The following CCDC81 variants were observed in gnomAD, a reference collection of about 807,000 sequenced individuals.
The protein encoded by CCDC81 is coiled-coil domain-containing protein 81.
A neutral mutation model predicts 83.7 loss-of-function variants in CCDC81; 79 were observed. The ratio of observed to expected loss-of-function variants is 0.94; its 90% CI spans 0.79 to 1.14. CCDC81 has a LOEUF of 1.14. Ranked by LOEUF, CCDC81 falls within the 50% of genes most tolerant of loss-of-function variation. CCDC81 has a pLI of 0.00. For missense variants in CCDC81, 791 were observed against 778.1 expected, an observed-to-expected ratio of 1.02 and a Z score of -0.20; for synonymous variants, 252 against 278.1, an observed-to-expected ratio of 0.91 and a Z score of 0.93.
At chr11:86,394,011 G>A (rs1948369868) in intron 4 of CCDC81, among the ~76,000 whole-genome samples, 1 of 152,104 alleles carries the variant, frequency 6.6e-6, no homozygotes, top group South Asian at 2.1e-4. Context: ...GAAACTCCTG[G>A]TGTTTTCTAC....
At chr11:86,375,266 G>C (rs777018459) in intron 1 of CCDC81, 24 bp downstream of exon 1, 10 of 1,593,092 alleles carry the variant, frequency 6.3e-6, no homozygotes, top group Middle Eastern at 1.7e-4. Context: ...GTAGCAGGGG[G>C]TGGCCCTGGG....
At chr11:86,412,625 T>A in intron 11 of CCDC81, 66 bp downstream of exon 11, 1 of 1,370,894 alleles carries the variant, frequency 7.3e-7, no homozygotes, top group Non-Finnish European at 9.9e-7. Flanking sequence ...ACTTTTCATG[T>A]AGGATTGAAT....
At chr11:86,385,985 C>A in intron 1 of CCDC81, 66 bp from the exon 2 acceptor site, 1 of 749,378 alleles carries the variant, frequency 1.3e-6, no homozygotes, top group Non-Finnish European at 2.3e-6. Context: ...TATTTATTAG[C>A]ACTAAGATAC....
chr11:86,382,955 G>T (rs1948194075), intron 1 of CCDC81, among the ~76,000 whole-genome samples: 1 of 152,092 alleles, frequency 6.6e-6, no homozygotes, highest in Non-Finnish European at 1.5e-5. Flanking sequence ...TTCAGCAAGA[G>T]CTGAAGTGAA....
chr11:86,413,290 G>T (rs572309551), intron 11 of CCDC81, among the ~76,000 whole-genome samples: 13 of 152,316 alleles, frequency 8.5e-5, no homozygotes, highest in African/African-American at 1.2e-4. Context: ...GTGCCTGCCT[G>T]CTAGGGTCTT....
intron 1 of CCDC81, among the ~76,000 whole-genome samples, chr11:86,383,839 A>G (rs1192293022): frequency 6.6e-6 from 1 of 152,264 alleles, no homozygotes; most frequent in Non-Finnish European, 1.5e-5. Context: ...AATGATATGC[A>G]TAGTTTTCTT....
At chr11:86,406,297 T>C (rs1286283924) in intron 7 of CCDC81, among the ~76,000 whole-genome samples, 1 of 152,188 alleles carries the variant, frequency 6.6e-6, no homozygotes, top group Non-Finnish European at 1.5e-5. Context: ...TCCGAATCAA[T>C]CTGGTTGTCA....
intron 14 of CCDC81, among the ~76,000 whole-genome samples, chr11:86,421,561 C>T (rs987909739): frequency 2.0e-5 from 3 of 152,202 alleles, no homozygotes; most frequent in Admixed American, 6.5e-5. Context: ...CCGCCCGCCT[C>T]GGCCTCCCAA....
chr11:86,414,911 T>C (rs1002757160), intron 12 of CCDC81, 44 bp downstream of exon 12: 1 of 1,489,028 alleles, frequency 6.7e-7, no homozygotes, highest in African/African-American at 1.4e-5. Flanking sequence ...ATGCAATGCA[T>C]CAATAACATC....
intron 1 of CCDC81, among the ~76,000 whole-genome samples, chr11:86,381,957 CAG>C (rs1948182586): frequency 6.6e-6 from 1 of 152,072 alleles, no homozygotes; most frequent in African/African-American, 2.4e-5. Flanking sequence ...AAGGGAATGA[CAG>C]GGGCAAAAAC....
chr11:86,419,437 T>G (rs1159973943), intron 13 of CCDC81: 1 of 152,292 alleles, frequency 6.6e-6, no homozygotes, highest in African/African-American at 2.4e-5. Context: ...TGTTAATGTT[T>G]TCTCTATTTT....
intron 5 of CCDC81, among the ~76,000 whole-genome samples, chr11:86,396,674 C>G (rs1948412844): frequency 6.6e-6 from 1 of 152,156 alleles, no homozygotes; most frequent in Non-Finnish European, 1.5e-5. Flanking sequence ...CCAACCGCCT[C>G]ATCTTGCACA....
At chr11:86,412,031 C>T (rs1226809747) in intron 10 of CCDC81, among the ~76,000 whole-genome samples, 3 of 152,220 alleles carry the variant, frequency 2.0e-5, no homozygotes, top group African/African-American at 7.2e-5. Context: ...TATATAAACC[C>T]CTACTTTTAG....
intron 1 of CCDC81, among the ~76,000 whole-genome samples, chr11:86,377,506 T>C (rs1948113673): frequency 1.3e-5 from 2 of 152,202 alleles, no homozygotes; most frequent in Admixed American, 1.3e-4. Flanking sequence ...TAATAGATGG[T>C]GTATTGGTAT....
intron 5 of CCDC81, among the ~76,000 whole-genome samples, chr11:86,396,906 A>G (rs1462181493): frequency 6.6e-6 from 1 of 152,220 alleles, no homozygotes; most frequent in Non-Finnish European, 1.5e-5. Flanking sequence ...TAGTGGGTCA[A>G]AGAACAGAGA....
chr11:86,417,321 AT>A (rs111287637), intron 13 of CCDC81, among the ~76,000 whole-genome samples: 1,713 of 151,910 alleles, frequency 0.011, 29 homozygotes, highest in African/African-American at 0.036. Flanking sequence ...AATTTTTTAA[AT>A]TTTTTTTGTA....
intron 14 of CCDC81, among the ~76,000 whole-genome samples, chr11:86,420,485 T>C (rs866213918): frequency 1.3e-5 from 2 of 152,134 alleles, no homozygotes; most frequent in African/African-American, 4.8e-5. Flanking sequence ...ACCAAGAGCA[T>C]CTTTCTGAAA....
intron 7 of CCDC81, 106 bp downstream of exon 7, chr11:86,400,907 T>G: frequency 8.2e-7 from 1 of 1,221,924 alleles, no homozygotes; most frequent in Non-Finnish European, 1.1e-6. Flanking sequence ...TTATCCAGTG[T>G]TCTTTAGAGC....
intron 4 of CCDC81, among the ~76,000 whole-genome samples, chr11:86,393,563 A>AT (rs1277626288): frequency 1.3e-5 from 2 of 152,268 alleles, no homozygotes; most frequent in African/African-American, 4.8e-5. Flanking sequence ...CTACTATTTT[A>AT]TTTTTTAATG....
Sources: gnomAD v4.1 joint callset for allele counts (sites outside exome capture counted in the v4.1 genomes callset) on GRCh38, gnomAD v4.1.1 for gene constraint, MANE v1.5 for transcripts, NCBI Gene and HGNC (gene_info 2026-07-23, HGNC 2026-07-21) for gene names.